PWWP2A: variants seen among roughly 807,000 people sequenced by gnomAD.
The protein encoded by PWWP2A is PWWP domain containing 2A.
Under a neutral mutation model 48.5 loss-of-function variants are expected in PWWP2A, and 18 were observed. The ratio of observed to expected loss-of-function variants is 0.37; its 90% confidence interval spans 0.26 to 0.55. PWWP2A has a LOEUF of 0.55. Among genes scored for constraint, PWWP2A ranks in the 20% least tolerant of loss-of-function variants. The pLI is 0.81. For synonymous variants in PWWP2A, 396 were observed against 387.7 expected (o/e 1.02, Z -0.25); for missense variants, 867 against 976.4 (o/e 0.89, Z 1.49).
intron 4 of PWWP2A, chr5:160,065,112 T>C: frequency 6.3e-7 from 1 of 1,593,170 alleles, no homozygotes; most frequent in South Asian, 1.1e-5. Context: ...TGTGTGCTGC[T>C]TGCTGTTAGC....
chr5:160,074,485 C>T (rs941299175), downstream of PWWP2A, among the ~76,000 whole-genome samples: 12 of 150,402 alleles, frequency 8.0e-5, no homozygotes, highest in African/African-American at 2.7e-4. Context: ...CAGTTGTTCA[C>T]GCTGTAATCC....
intron 2 of PWWP2A, among the ~76,000 whole-genome samples, chr5:160,068,757 G>A (rs1753675089): frequency 1.3e-5 from 2 of 152,194 alleles, no homozygotes; most frequent in African/African-American, 4.8e-5. Context: ...AGCTACCACT[G>A]TATTAGAGAC....
downstream of PWWP2A, among the ~76,000 whole-genome samples, chr5:160,072,409 G>C (rs1182096003): frequency 6.6e-6 from 1 of 152,178 alleles, no homozygotes; most frequent in Non-Finnish European, 1.5e-5. Context: ...TAGCGCATGA[G>C]AATGACTGCT....
chr5:160,058,415 T>TCG (rs1561640879), downstream of PWWP2A, among the ~76,000 whole-genome samples: 4 of 150,246 alleles, frequency 2.7e-5, no homozygotes, highest in African/African-American at 9.8e-5. Context: ...ATTTCTTTTT[T>TCG]TTTTTTTTTT....
intron 1 of PWWP2A, chr5:160,105,510 G>A (rs189807674): frequency 7.8e-5 from 13 of 166,308 alleles, no homozygotes; most frequent in Non-Finnish European, 1.2e-4. Context: ...AGCCGAGATC[G>A]CGCCACTGCA....
Position 160,078,151 on chromosome 5 carries a change from C to T in PWWP2A, c.*4G>A. 3.2e-6 allele frequency: 5 copies of T among 1,557,856 alleles called. No homozygotes were observed. Among genetic ancestry groups the T allele is most frequent in the Non-Finnish European group, 3.5e-6 (4 of 1,149,072 alleles). On this transcript the variant is annotated 3_prime_UTR_variant, in exon 4 of 4. Transcript: ENST00000456329. This position sits in a 1 kb window ranked among gnomAD's most constrained non-coding sequence, Gnocchi z 4.2. ...TGGTACAGGTCCATGAAACCAGCAG[C>T]CTGCTAATGTCTTTGTGCTGAAATA...
intron 2 of PWWP2A, among the ~76,000 whole-genome samples, chr5:160,082,219 TG>T: frequency 6.6e-6 from 1 of 151,814 alleles, no homozygotes; most frequent in East Asian, 1.9e-4. Context: ...CCGAGGCGGG[TG>T]GATCACGAGG....
At chr5:160,071,750 T>G (rs1753744069), downstream of PWWP2A, among the ~76,000 whole-genome samples, 1 of 152,106 alleles carries the variant, frequency 6.6e-6, no homozygotes, top group Admixed American at 6.6e-5. Flanking sequence ...CAGCCCCCAT[T>G]CAGATGCAGC....
chr5:160,119,173 C>CGGT lies in PWWP2A; in HGVS notation c.213_215dup (p.Pro75dup). 1.3e-6 allele frequency: 2 copies of CGGT among 1,509,638 alleles called. No individual in the cohort carries two copies. Among genetic ancestry groups the CGGT allele is most frequent in the Non-Finnish European group, 1.7e-6 (2 of 1,145,324 alleles). The allele number at this position is 1,509,638 out of a possible 1,614,324, so 93.5% of individuals were successfully genotyped here. A position where few individuals can be genotyped will look rare whatever the true frequency, so the allele number is the denominator to read the frequency against. On this transcript the variant is annotated inframe_insertion, in exon 1 of 2. Transcript: ENST00000307063. ...TGCGGGCGAGCTCCCCCGGCGGCGG[C>CGGT]GGTGGCGGCGGGAGCGGCGGCTCGT...
In PWWP2A at chr5:160,115,136, T is replaced by TAAAA. The variant is rs1561708134; in HGVS notation, c.584+3668_584+3669insTTTT. On this transcript the variant is annotated intron_variant, in intron 1 of 1. Coordinates refer to ENST00000307063, the MANE Select transcript of PWWP2A (RefSeq NM_001130864.2). ...GCCTGGGTAACAGAGGGAGACTCTGTCAAAAAAAAAAAAAAAAAAAAAAAA... is the reference window on the plus strand; with the variant it reads ...GCCTGGGTAACAGAGGGAGACTCTGTAAAACAAAAAAAAAAAAAAAAAAAAAAAA... 1.8e-3 allele frequency among the ~76,000 whole-genome samples: 80 copies of TAAAA among 45,710 alleles called. 1 individual carries two copies. The highest frequency in any genetic ancestry group is 8.5e-3 in the African/African-American group (75 of 8,868). 30.0% of individuals were successfully genotyped at this position (45,710 alleles called of 152,430 possible).
At chr5:160,045,299 C>A in the PWWP2A span, among the ~76,000 whole-genome samples, 1 of 152,034 alleles carries the variant, frequency 6.6e-6, no homozygotes, top group African/African-American at 2.4e-5. Flanking sequence ...GTTTTCCAAC[C>A]AAAGTGTTTT....
the PWWP2A span, among the ~76,000 whole-genome samples, chr5:160,050,454 CAAA>C: frequency 3.3e-5 from 5 of 151,926 alleles, no homozygotes; most frequent in Middle Eastern, 3.4e-3. Flanking sequence ...CTTAAAAAAA[CAAA>C]AAATACAAAT....
chr5:160,066,296 A>ATTTTTTTTTTTTTTTTTT (rs59262456), intron 4 of PWWP2A, among the ~76,000 whole-genome samples: 3 of 94,756 alleles, frequency 3.2e-5, no homozygotes, highest in Admixed American at 1.3e-4. Context: ...AGTGGTTCTC[A>ATTTTTTTTTTTTTTTTTT]TTTTTTTTTT....
chr5:160,069,573 T>C (rs1442394717), intron 2 of PWWP2A, among the ~76,000 whole-genome samples: 3 of 152,138 alleles, frequency 2.0e-5, no homozygotes, highest in African/African-American at 7.2e-5. Flanking sequence ...CAAAACAACA[T>C]TCTGTAGGCT....
At chr5:160,050,036 A>G in the PWWP2A span, among the ~76,000 whole-genome samples, 2 of 150,962 alleles carry the variant, frequency 1.3e-5, no homozygotes, top group African/African-American at 4.9e-5. Context: ...TCATGCCACT[A>G]CACTGCAGCC....
In PWWP2A at chr5:160,093,902, C is replaced by G; in HGVS notation, c.748G>C (p.Glu250Gln). 6.2e-7 allele frequency: 1 copy of G among 1,614,028 alleles called. No homozygotes were observed. The highest frequency in any genetic ancestry group is 8.5e-7 in the Non-Finnish European group (1 of 1,179,904). ...CACAGGCTTTCAGCCAAGCTCAGCT[C>G]GGGATGCGGGACAGGAGAAGGGTCA... is the stretch of plus-strand genomic sequence containing the variant. ...PDDPSPVPHP[E>Q]LSLAESLWTS... Residue 250 changes from glutamate (E) to glutamine (Q), a missense_variant, in exon 2 of 2, where the codon GAG (glutamate) becomes CAG (glutamine). By Grantham distance (29) the Glu-to-Gln change is conservative. This residue lies in a region of PWWP2A where 385 missense variants were observed against 396.9 expected (regional missense o/e 0.97). Transcript: ENST00000307063. The surrounding 1 kb of genome is among the most constrained non-coding windows in gnomAD (Gnocchi z 5.8).
Sources: gnomAD v4.1 joint callset for allele counts (sites outside exome capture counted in the v4.1 genomes callset) on GRCh38, gnomAD v4.1.1 for gene constraint, gnomAD v4.1.1 regional missense constraint, Gnocchi (gnomAD v3.1) non-coding constraint, MANE v1.5 for transcripts, NCBI Gene and HGNC (gene_info 2026-07-23, HGNC 2026-07-21) for gene names.